Variants in ATP1A4 observed in about 807,000 individuals in gnomAD.
ATP1A4 encodes sodium/potassium-transporting ATPase subunit alpha-4.
ATP1A4 carries 90 observed loss-of-function variants against 114.3 expected under a neutral mutation model. That is an observed-to-expected ratio of 0.79 (90% CI 0.66 to 0.94). ATP1A4 has a LOEUF of 0.94. Ranked by LOEUF, ATP1A4 falls within the 40% of genes least tolerant of loss-of-function variation. The pLI, the probability that ATP1A4 is intolerant of heterozygous loss-of-function variation, is 0.00. For missense variants in ATP1A4, 1,222 were observed against 1,313.6 expected (o/e 0.93, Z 1.08); for synonymous variants, 511 against 494.1 (o/e 1.03, Z -0.45).
rs1264459112 is a variant in ATP1A4, at chr1:160,159,486, G to A, written c.738G>A (p.Glu246=). Residue 246 remains glutamate (E), a synonymous_variant, in exon 6 of 22, where the codon GAG becomes GAA. Coordinates refer to ENST00000368081, the MANE Select transcript of ATP1A4 (RefSeq NM_144699.4). Reference sequence around the variant, plus strand: ...ACTTCACCCATGAGAACCCTCTGGAGACCCGAAACATCTGCTTCTTTTCCA... The same window carrying A: ...ACTTCACCCATGAGAACCCTCTGGAAACCCGAAACATCTGCTTCTTTTCCA... ...SPDFTHENPL[E]TRNICFFSTN... 1.2e-6 allele frequency: 2 copies of A among 1,613,230 alleles called. No individual in the cohort carries two copies. The highest frequency in any genetic ancestry group is 2.7e-5 in the African/African-American group (2 of 74,920).
intron 16 of ATP1A4, 82 bp from the exon 17 acceptor site, chr1:160,176,397 G>A: frequency 6.2e-7 from 1 of 1,604,836 alleles, no homozygotes. Context: ...GCTGCGTCAA[G>A]ACAGAATGGT....
intron 6 of ATP1A4, among the ~76,000 whole-genome samples, chr1:160,159,790 A>G (rs1652805497): frequency 6.6e-6 from 1 of 152,254 alleles, no homozygotes; most frequent in Non-Finnish European, 1.5e-5. Context: ...GACCTAATAC[A>G]TTGTAAGTGA....
intron 18 of ATP1A4, 111 bp from the exon 19 acceptor site, chr1:160,181,571 AAG>A: frequency 3.1e-5 from 37 of 1,190,044 alleles, no homozygotes; most frequent in Admixed American, 1.1e-4. Context: ...AAAAAAAAAA[AAG>A]AATGAGGACC....
chr1:160,173,513 A>C, intron 12 of ATP1A4, 68 bp from the exon 13 acceptor site: 1 of 1,580,552 alleles, frequency 6.3e-7, no homozygotes, highest in African/African-American at 1.3e-5. Context: ...CAGTTCTCAG[A>C]GGAGAAAAAT....
chr1:160,179,539 CTG>C (rs1653605765), intron 18 of ATP1A4, among the ~76,000 whole-genome samples: 1 of 152,206 alleles, frequency 6.6e-6, no homozygotes, highest in Non-Finnish European at 1.5e-5. Flanking sequence ...TCTTCTATGA[CTG>C]TAATTTTCAG....
rs1170411874 is a variant in ATP1A4 at position 160,153,699 on chromosome 1, A to G, written c.207+475A>G. Among the ~76,000 whole-genome samples the G allele has an allele frequency of 2.6e-5, 4 of 152,308 alleles. No homozygotes were observed. In the East Asian group the frequency reaches 5.8e-4, roughly 22 times the overall value. On this transcript the variant is annotated intron_variant, in intron 2 of 21. Coordinates refer to ENST00000368081, the MANE Select transcript of ATP1A4 (RefSeq NM_144699.4). Reference sequence around the variant, plus strand: ...AACAAAAAAATTAGCAGCATCTTACATTTTTGCAAACCTCTTCAATGTCTT... The same window carrying G: ...AACAAAAAAATTAGCAGCATCTTACGTTTTTGCAAACCTCTTCAATGTCTT...
chr1:160,186,139 GTC>G, intron 20 of ATP1A4, 135 bp from the exon 21 acceptor site: 1 of 507,808 alleles, frequency 2.0e-6, no homozygotes, highest in Non-Finnish European at 3.7e-6. Flanking sequence ...CAACTGCACT[GTC>G]TCCAGCACCC....
intron 6 of ATP1A4, among the ~76,000 whole-genome samples, chr1:160,162,338 CT>C (rs1315959774): frequency 6.6e-6 from 1 of 152,122 alleles, no homozygotes; most frequent in Non-Finnish European, 1.5e-5. Context: ...GGTGAGTGGC[CT>C]GCATCATGTG....
intron 6 of ATP1A4, among the ~76,000 whole-genome samples, chr1:160,161,100 A>G (rs2101630355): frequency 6.6e-6 from 1 of 152,348 alleles, no homozygotes; most frequent in Admixed American, 6.5e-5. Context: ...AAAAAACCCA[A>G]CATGTGGCCA....
intron 5 of ATP1A4, 48 bp from the exon 6 acceptor site, chr1:160,159,361 C>A: frequency 6.6e-7 from 1 of 1,505,044 alleles, no homozygotes; most frequent in Non-Finnish European, 9.1e-7. Context: ...AATAAATCTG[C>A]CTTTTTTCCT....
chr1:160,155,985 T>C (rs1652638199), intron 3 of ATP1A4, 60 bp from the exon 4 acceptor site: 1 of 1,039,768 alleles, frequency 9.6e-7, no homozygotes, highest in Admixed American at 1.7e-5. Context: ...AGACTGATTT[T>C]CTGAGGATGA....
intron 10 of ATP1A4, among the ~76,000 whole-genome samples, chr1:160,168,377 C>CTTTTTTTTTTTTT (rs11397218): frequency 1.0e-5 from 1 of 97,038 alleles, no homozygotes; most frequent in Non-Finnish European, 1.9e-5. Context: ...CTGCTGGTAT[C>CTTTTTTTTTTTTT]TTTTTTTTTT....
intron 3 of ATP1A4, among the ~76,000 whole-genome samples, chr1:160,155,481 TTAAA>T (rs1445586286): frequency 6.6e-6 from 1 of 152,114 alleles, no homozygotes; most frequent in Non-Finnish European, 1.5e-5. Flanking sequence ...TAAAATGTAA[TTAAA>T]TGTACATTAA....
chr1:160,153,679 A>G (rs986262416), intron 2 of ATP1A4, among the ~76,000 whole-genome samples: 1 of 152,250 alleles, frequency 6.6e-6, no homozygotes, highest in African/African-American at 2.4e-5. Context: ...TTCAAAACAA[A>G]AAAATTAGCA....
rs1653911586 is a variant in ATP1A4, at chr1:160,186,838, GC to G, written c.*140del. On this transcript the variant is annotated 3_prime_UTR_variant, in exon 22 of 22. Transcript: ENST00000368081. The stretch of plus-strand genomic sequence containing the variant: ...GAGAAAGATGGGCAATCCTGGGCTG[GC>G]TTGAGGGAATCATGGGCAGAGGATG... 2.0e-6 allele frequency: 2 copies of G among 1,020,002 alleles called. No individual in the cohort carries two copies. The highest frequency in any genetic ancestry group is 1.5e-6 in the Non-Finnish European group (1 of 675,552). 63.2% of individuals were successfully genotyped at this position (1,020,002 alleles called of 1,614,324 possible). A position where few individuals can be genotyped will look rare whatever the true frequency, so the allele number is the denominator to read the frequency against.
chr1:160,156,483 G>T (rs565457266), intron 4 of ATP1A4, among the ~76,000 whole-genome samples: 7 of 151,886 alleles, frequency 4.6e-5, no homozygotes, highest in African/African-American at 1.4e-4. Flanking sequence ...GGTGCGGTGG[G>T]GGGTGGCTGG....
At chr1:160,175,670 A>C (rs1030663849) in intron 15 of ATP1A4, among the ~76,000 whole-genome samples, 5 of 152,114 alleles carry the variant, frequency 3.3e-5, no homozygotes, top group Admixed American at 2.6e-4. Context: ...CTTGCAAGGC[A>C]GGAGGAATGA....
intron 20 of ATP1A4, chr1:160,183,410 A>T (rs1653776747): frequency 6.6e-6 from 1 of 152,184 alleles, no homozygotes; most frequent in Admixed American, 6.5e-5. Flanking sequence ...GTACACATTA[A>T]CCATAAAACT....
At chr1:160,174,984 C>G (rs1653410387) in intron 15 of ATP1A4, among the ~76,000 whole-genome samples, 1 of 152,108 alleles carries the variant, frequency 6.6e-6, no homozygotes, top group South Asian at 2.1e-4. Flanking sequence ...TTTTGTTTTC[C>G]TATCAGGGAG....
Sources: allele counts gnomAD v4.1 joint callset (sites outside exome capture counted in the v4.1 genomes callset), GRCh38; gene constraint gnomAD v4.1.1; transcripts MANE v1.5; gene names NCBI Gene and HGNC (gene_info 2026-07-23, HGNC 2026-07-21).